Variants in PCDHA13 observed in about 807,000 individuals in gnomAD.
The protein encoded by PCDHA13 is protocadherin alpha 13.
Under a neutral mutation model 64.8 loss-of-function variants are expected in PCDHA13, and 54 were observed. The observed-to-expected ratio is 0.83, with a 90% CI of 0.67 to 1.04. The LOEUF is 1.04. Ranked by LOEUF, PCDHA13 falls within the 50% of genes least tolerant of loss-of-function variation. The probability of loss-of-function intolerance (pLI) is 0.00; values close to 1 mark genes in which losing one functional copy is unlikely to be tolerated. For missense variants in PCDHA13, 1,248 were observed against 1,254.3 expected (o/e 0.99, Z 0.08); for synonymous variants, 587 against 564.4 (o/e 1.04, Z -0.57).
chr5:140,884,519 T>G lies in PCDHA13; in HGVS notation c.2251T>G (p.Ser751Ala). 1 of 1,614,042 alleles carries G rather than the reference T, an allele frequency of 6.2e-7. No individual in the cohort carries two copies. Among genetic ancestry groups the G allele is most frequent in the Non-Finnish European group, 8.5e-7 (1 of 1,179,984 alleles). ...CSSAAGSWSY[S>A]QQRRPRVCSG... ...CAGCGCGGCAGGGAGTTGGTCGTACTCGCAGCAGAGGCGGCCGAGGGTGTG... is the reference window on the plus strand; with the variant it reads ...CAGCGCGGCAGGGAGTTGGTCGTACGCGCAGCAGAGGCGGCCGAGGGTGTG... Residue 751 changes from serine (S) to alanine (A), a missense_variant, in exon 1 of 4, where the codon TCG becomes GCG. Physicochemically the swap from Ser to Ala is moderately conservative, Grantham distance 99. Transcript: ENST00000289272.
In PCDHA13 at chr5:140,883,319, A is replaced by C; in HGVS notation, c.1051A>C (p.Thr351Pro). The C allele has an allele frequency of 6.2e-7, 1 of 1,614,126 alleles. No homozygotes were observed. Among genetic ancestry groups the C allele is most frequent in the Non-Finnish European group, 8.5e-7 (1 of 1,180,016 alleles). ...LDVNDNAPEV[T>P]ITSLSLPIRE... is the part of the protein sequence containing the mutation. ...TGTAAATGATAACGCCCCAGAGGTT[A>C]CCATCACTTCTTTGTCACTCCCCAT... The change falls in exon 1 of 4, where the codon ACC (threonine) becomes CCC (proline). Residue 351 changes from threonine to proline, a missense_variant. Physicochemically the swap from Thr to Pro is conservative, Grantham distance 38. Transcript: ENST00000289272.
chr5:140,919,136 G>T (rs1340753916), intron 1 of PCDHA13, among the ~76,000 whole-genome samples: 5 of 152,064 alleles, frequency 3.3e-5, no homozygotes, highest in African/African-American at 1.2e-4. Context: ...GTGTTTTGGG[G>T]CTCTATTATT....
At chr5:140,926,618 G>T in intron 1 of PCDHA13, 1 of 382,578 alleles carries the variant, frequency 2.6e-6, no homozygotes, top group Non-Finnish European at 4.6e-6. Flanking sequence ...TGCACCCCTA[G>T]GCGGCGCTGC....
At chr5:140,980,076 G>A (rs2096875671) in intron 2 of PCDHA13, among the ~76,000 whole-genome samples, 1 of 152,214 alleles carries the variant, frequency 6.6e-6, no homozygotes, top group South Asian at 2.1e-4. Flanking sequence ...AAGGGCTGAA[G>A]ATTAGTAGTT....
In PCDHA13 at chr5:140,987,225, A is replaced by T. The variant is rs182444933; in HGVS notation, c.2542+4662A>T. On this transcript the variant is annotated intron_variant, in intron 3 of 3. Transcript: ENST00000289272. Reference sequence around the variant, plus strand: ...TGAGACTCCATCTCAAAAAAAAAAAAAATAATAAATAAAGAAAGAAAGACA... The same window carrying T: ...TGAGACTCCATCTCAAAAAAAAAAATAATAATAAATAAAGAAAGAAAGACA... 6.5e-3 allele frequency among the ~76,000 whole-genome samples: 935 copies of T among 143,134 alleles called. 9 individuals carry two copies. Among genetic ancestry groups the T allele is most frequent in the African/African-American group, 0.025 (815 of 32,962 alleles). The allele number at this position is 143,134 out of a possible 152,430, so 93.9% of individuals were successfully genotyped here. A position where few individuals can be genotyped will look rare whatever the true frequency, so the allele number is the denominator to read the frequency against.
chr5:140,882,132 A>C lies in PCDHA13; in HGVS notation c.-137A>C. 6.8e-7 allele frequency: 1 copy of C among 1,475,878 alleles called. No individual in the cohort carries two copies. 91.4% of individuals were successfully genotyped at this position (1,475,878 alleles called of 1,614,324 possible). A position where few individuals can be genotyped will look rare whatever the true frequency, so the allele number is the denominator to read the frequency against. ...AAAGCCGCCGTTTCTTTCTTCCTGC[A>C]GAAAATATAGCAGAAAGCGGAATAC... On this transcript the variant is annotated 5_prime_UTR_variant, in exon 1 of 4. Transcript: ENST00000289272.
intron 3 of PCDHA13, among the ~76,000 whole-genome samples, chr5:140,992,572 G>T (rs1441448703): frequency 2.0e-5 from 3 of 152,148 alleles, no homozygotes; most frequent in Non-Finnish European, 4.4e-5. Flanking sequence ...AACACATATT[G>T]CCTGCCTTGT....
intron 1 of PCDHA13, among the ~76,000 whole-genome samples, chr5:140,956,811 C>T (rs1349300314): frequency 6.6e-6 from 1 of 152,108 alleles, no homozygotes; most frequent in African/African-American, 2.4e-5. Context: ...TTTATTATTG[C>T]TTCAATTTGT....
At chr5:140,991,716 A>G (rs1287772391) in intron 3 of PCDHA13, among the ~76,000 whole-genome samples, 1 of 152,164 alleles carries the variant, frequency 6.6e-6, no homozygotes, top group East Asian at 1.9e-4. Flanking sequence ...TATTGCTACT[A>G]GCAGCCTGTT....
At position 140,927,806 on chromosome 5, in the gene PCDHA13, T is replaced by C. The variant is rs1554205074; in HGVS notation, c.2394+43144T>C. 4 of 1,614,004 alleles carry C rather than the reference T, an allele frequency of 2.5e-6. No individual in the cohort carries two copies. In the African/African-American group the frequency reaches 5.3e-5, roughly 22 times the overall value. On this transcript the variant is annotated intron_variant, in intron 1 of 3. Transcript: ENST00000289272. ...GCTTCACTAGGTCCGCCTGAAACGC[T>C]CTTGGAGGCATACATTGAGGCGAGG...
Position 141,011,328 on chromosome 5 carries a change from A to G in PCDHA13, c.*1391A>G, listed in dbSNP as rs1554263430. 2 of 153,726 alleles carry G rather than the reference A, an allele frequency of 1.3e-5. No homozygotes were observed. Among genetic ancestry groups the G allele is most frequent in the Admixed American group, 1.3e-4 (2 of 15,268 alleles). 9.5% of individuals were successfully genotyped at this position (153,726 alleles called of 1,614,324 possible). On this transcript the variant is annotated 3_prime_UTR_variant, in exon 4 of 4. Transcript: ENST00000289272. Reference sequence around the variant, plus strand: ...ATTGCTAATCTTACTAACACCTATGATGTTACCTGAAATCAATCTCCCATA... The same window carrying G: ...ATTGCTAATCTTACTAACACCTATGGTGTTACCTGAAATCAATCTCCCATA...
chr5:140,982,362 A>ATTCTGCTC, intron 2 of PCDHA13, 113 bp from the exon 3 acceptor site: 1 of 1,531,968 alleles, frequency 6.5e-7, no homozygotes, highest in Non-Finnish European at 8.8e-7. Context: ...GCATGAGCAG[A>ATTCTGCTC]ATGTGTTAGC....
At chr5:140,966,259 G>C (rs1358322921) in intron 1 of PCDHA13, 1 of 340,612 alleles carries the variant, frequency 2.9e-6, no homozygotes, top group Non-Finnish European at 5.3e-6. Context: ...AGACGGTGGA[G>C]ACTGGATGAA....
chr5:141,004,745 A>C (rs1282005519), intron 3 of PCDHA13, among the ~76,000 whole-genome samples: 2 of 152,158 alleles, frequency 1.3e-5, no homozygotes, highest in Non-Finnish European at 2.9e-5. Flanking sequence ...CTTTTGTCTC[A>C]GTCTCTTAGA....
At chr5:140,964,222 A>G (rs2095818106) in intron 1 of PCDHA13, among the ~76,000 whole-genome samples, 1 of 152,254 alleles carries the variant, frequency 6.6e-6, no homozygotes, top group African/African-American at 2.4e-5. Flanking sequence ...AATGTCTTTC[A>G]AAATGAGGCT....
chr5:140,993,368 T>A (rs1354951477), intron 3 of PCDHA13, among the ~76,000 whole-genome samples: 2 of 151,944 alleles, frequency 1.3e-5, no homozygotes, highest in Middle Eastern at 6.8e-3. Flanking sequence ...AAAAACTACC[T>A]CCCAGCCGGG....
chr5:140,902,767 G>A (rs1038910114), intron 1 of PCDHA13, among the ~76,000 whole-genome samples: 2 of 145,672 alleles, frequency 1.4e-5, no homozygotes, highest in African/African-American at 5.0e-5. Flanking sequence ...TTATGTCTTT[G>A]CATTCTCATA....
At chr5:140,950,551 G>T (rs1162032370) in intron 1 of PCDHA13, among the ~76,000 whole-genome samples, 1 of 151,932 alleles carries the variant, frequency 6.6e-6, no homozygotes, top group African/African-American at 2.4e-5. Context: ...CATGGCTGGG[G>T]GGACACTTAT....
chr5:141,007,348 C>T (rs1300636691), intron 3 of PCDHA13, among the ~76,000 whole-genome samples: 3 of 142,438 alleles, frequency 2.1e-5, no homozygotes, highest in African/African-American at 5.3e-5. Context: ...CTCAGGAGTT[C>T]GAGACCAGCC....
Sources: gnomAD v4.1 joint callset for allele counts (sites outside exome capture counted in the v4.1 genomes callset) on GRCh38, gnomAD v4.1.1 for gene constraint, MANE v1.5 for transcripts, NCBI Gene and HGNC (gene_info 2026-07-23, HGNC 2026-07-21) for gene names.